Variants in MRE11 observed in about 807,000 individuals in gnomAD.
MRE11 encodes double-strand break repair protein MRE11.
In MRE11, 62 loss-of-function variants were observed where a neutral mutation model predicts 91.7. That is an observed-to-expected ratio of 0.68 (90% CI 0.55 to 0.84). The LOEUF (loss-of-function observed/expected upper bound fraction) is 0.84. MRE11 is among the 40% of genes least tolerant of loss of function. The probability of loss-of-function intolerance (pLI) is 0.00; values close to 1 mark genes in which losing one functional copy is unlikely to be tolerated. For synonymous variants in MRE11, 273 were observed against 271.4 expected, an observed-to-expected ratio of 1.01 and a Z score of -0.06; for missense variants, 796 against 852.9, an observed-to-expected ratio of 0.93 and a Z score of 0.83.
chr11:94,490,550 G>C (rs1020471111), intron 3 of MRE11, among the ~76,000 whole-genome samples: 1 of 152,158 alleles, frequency 6.6e-6, no homozygotes, highest in African/African-American at 2.4e-5. Context: ...CAGAAGCTTT[G>C]ACAGTCACCT....
chr11:94,485,846 C>T, intron 4 of MRE11, 78 bp downstream of exon 4: 1 of 1,367,258 alleles, frequency 7.3e-7, no homozygotes, highest in East Asian at 2.3e-5. Flanking sequence ...GAAGGCAAAA[C>T]AGTTGTGTGT....
chr11:94,496,537 C>T, upstream of MRE11: 1 of 653,208 alleles, frequency 1.5e-6, no homozygotes, highest in Non-Finnish European at 2.5e-6. Flanking sequence ...GTTTGCAAGA[C>T]TTATCTATGC....
chr11:94,445,993 A>T, intron 15 of MRE11, 100 bp from the exon 16 acceptor site: 3 of 902,124 alleles, frequency 3.3e-6, no homozygotes, highest in Non-Finnish European at 5.5e-6. Flanking sequence ...TATGTCAAAT[A>T]GTTTGTCTGT....
intron 4 of MRE11, 39 bp from the exon 5 acceptor site, chr11:94,479,800 C>A: frequency 6.5e-7 from 1 of 1,532,476 alleles, no homozygotes; most frequent in Non-Finnish European, 9.0e-7. Flanking sequence ...CCATACGGGA[C>A]AAAAGCTGTT....
At chr11:94,477,208 C>T (rs1236854571) in intron 6 of MRE11, among the ~76,000 whole-genome samples, 1 of 151,966 alleles carries the variant, frequency 6.6e-6, no homozygotes, top group Non-Finnish European at 1.5e-5. Flanking sequence ...TACTTTTGAT[C>T]TAATATATAC....
At chr11:94,424,510 G>A (rs1433277539) in intron 19 of MRE11, among the ~76,000 whole-genome samples, 3 of 152,288 alleles carry the variant, frequency 2.0e-5, no homozygotes, top group Admixed American at 6.5e-5. Flanking sequence ...TAACCAGATT[G>A]AAGTTACTGA....
At chr11:94,442,634 T>C (rs1945814392) in intron 16 of MRE11, among the ~76,000 whole-genome samples, 1 of 152,256 alleles carries the variant, frequency 6.6e-6, no homozygotes, top group Non-Finnish European at 1.5e-5. Flanking sequence ...ACTCTTTTTC[T>C]ATGTTCCTGT....
At chr11:94,454,094 G>C (rs1451550360) in intron 14 of MRE11, among the ~76,000 whole-genome samples, 2 of 143,904 alleles carry the variant, frequency 1.4e-5, no homozygotes, top group African/African-American at 5.2e-5. Context: ...TTTTTTTTGA[G>C]ACAGGGTCTT....
In MRE11 at chr11:94,445,828, T is replaced by C. The variant is rs754030585; in HGVS notation, c.1849A>G (p.Asn617Asp). 6.2e-7 allele frequency: 1 copy of C among 1,612,780 alleles called. No homozygotes were observed. The highest frequency in any genetic ancestry group is 8.5e-7 in the Non-Finnish European group (1 of 1,178,762). The change falls in exon 16 of 20, where the codon AAT becomes GAT. Residue 617 changes from asparagine to aspartate, a missense_variant. Coordinates refer to ENST00000323929, the MANE Select transcript of MRE11 (RefSeq NM_005591.4). ...NSKTAVSASR[N>D]MSIIDAFKST... ...TACTCACCATCTATAATAGACATAT[T>C]TCTAGATGCTGACACAGCAGTCTTT...
intron 7 of MRE11, among the ~76,000 whole-genome samples, chr11:94,474,024 T>C (rs1946786212): frequency 6.6e-6 from 1 of 152,264 alleles, no homozygotes; most frequent in East Asian, 1.9e-4. Context: ...TAGACATGTA[T>C]GTATGCATGG....
upstream of MRE11, among the ~76,000 whole-genome samples, chr11:94,494,540 G>T (rs998398100): frequency 6.6e-6 from 1 of 152,124 alleles, no homozygotes; most frequent in African/African-American, 2.4e-5. Flanking sequence ...GTAAGGAGTT[G>T]ACATAGTTCG....
chr11:94,484,457 A>G (rs1356358365), intron 4 of MRE11, among the ~76,000 whole-genome samples: 1 of 152,268 alleles, frequency 6.6e-6, no homozygotes, highest in Non-Finnish European at 1.5e-5. Context: ...TAAAATATTT[A>G]TTAATTACTT....
chr11:94,435,789 A>G lies in MRE11; in HGVS notation c.1994+43T>C, dbSNP rs764637485. The G allele has an allele frequency of 4.5e-6, 7 of 1,544,152 alleles. No homozygotes were observed. In the African/African-American group the frequency reaches 9.5e-5, roughly 21 times the overall value. On this transcript the variant is annotated intron_variant, in intron 18 of 19. Coordinates refer to ENST00000323929, the MANE Select transcript of MRE11 (RefSeq NM_005591.4). ...ACTTTGGAATTCTGGATAATTTTTA[A>G]TTTTTTTCAGATGTTTCTTTTGCAG...
intron 10 of MRE11, among the ~76,000 whole-genome samples, chr11:94,467,257 G>C (rs1946587618): frequency 6.6e-6 from 1 of 152,142 alleles, no homozygotes; most frequent in African/African-American, 2.4e-5. Flanking sequence ...TAACACGATA[G>C]AAAGGATAAG....
intron 14 of MRE11, among the ~76,000 whole-genome samples, chr11:94,448,334 T>C (rs1399613916): frequency 2.0e-5 from 3 of 151,864 alleles, no homozygotes; most frequent in Non-Finnish European, 2.9e-5. Flanking sequence ...CCCAGCACTT[T>C]GGGAGGCCTA....
At chr11:94,459,112 A>T (rs1946344358) in intron 13 of MRE11, among the ~76,000 whole-genome samples, 2 of 152,220 alleles carry the variant, frequency 1.3e-5, no homozygotes, top group African/African-American at 2.4e-5. Context: ...AAAAAATTAA[A>T]ATGAACAAAA....
At chr11:94,459,831 T>C (rs966246657) in intron 12 of MRE11, among the ~76,000 whole-genome samples, 1 of 152,068 alleles carries the variant, frequency 6.6e-6, no homozygotes. Context: ...CTATGATTAA[T>C]AGAGATGAAA....
At chr11:94,492,076 G>C (rs552885155) in intron 2 of MRE11, among the ~76,000 whole-genome samples, 3 of 152,092 alleles carry the variant, frequency 2.0e-5, no homozygotes, top group African/African-American at 7.2e-5. Context: ...CACACAGCTA[G>C]TAGGGTCCAA....
chr11:94,438,902 G>C (rs193089905), intron 16 of MRE11, among the ~76,000 whole-genome samples: 1 of 152,218 alleles, frequency 6.6e-6, no homozygotes, highest in African/African-American at 2.4e-5. Context: ...ACATGTAGCT[G>C]TTTGGGTAGC....
Sources: allele counts gnomAD v4.1 joint callset (sites outside exome capture counted in the v4.1 genomes callset), GRCh38; gene constraint gnomAD v4.1.1; transcripts MANE v1.5; gene names NCBI Gene and HGNC (gene_info 2026-07-23, HGNC 2026-07-21).